CDH4: variants seen among roughly 807,000 people sequenced by gnomAD.
CDH4 encodes cadherin-4.
In CDH4, 33 loss-of-function variants were observed where a neutral mutation model predicts 86.0. The ratio of observed to expected loss-of-function variants is 0.38; its 90% CI spans 0.29 to 0.51. The LOEUF (loss-of-function observed/expected upper bound fraction) is 0.51, where lower values mean the gene tolerates loss of function less well. Ranked by LOEUF, CDH4 falls within the 20% of genes least tolerant of loss-of-function variation. The pLI is 0.86. For missense variants in CDH4, 1,114 were observed against 1,307.4 expected (o/e 0.85, Z 2.28); for synonymous variants, 555 against 549.4 (o/e 1.01, Z -0.14).
chr20:61,905,593 C>T (rs914645175), intron 8 of CDH4, among the ~76,000 whole-genome samples: 24 of 152,320 alleles, frequency 1.6e-4, no homozygotes, highest in African/African-American at 5.5e-4. Flanking sequence ...AGAGCCTTGC[C>T]CCTGCTGCCT....
At chr20:61,917,563 G>A (rs182820583) in intron 9 of CDH4, among the ~76,000 whole-genome samples, 5 of 152,226 alleles carry the variant, frequency 3.3e-5, no homozygotes, top group East Asian at 1.9e-4. Context: ...AGACAGGGGC[G>A]CAGAGTGAGA....
At chr20:61,629,268 C>A (rs763889891) in intron 2 of CDH4, among the ~76,000 whole-genome samples, 3 of 152,204 alleles carry the variant, frequency 2.0e-5, no homozygotes, top group Non-Finnish European at 2.9e-5. Flanking sequence ...GCCCAGCCCC[C>A]CAGCCGGAGC....
intron 2 of CDH4, among the ~76,000 whole-genome samples, chr20:61,478,743 G>A (rs939282159): frequency 6.6e-6 from 1 of 152,208 alleles, no homozygotes; most frequent in East Asian, 1.9e-4. Flanking sequence ...TAGAAACTAT[G>A]TTTCATTCAC....
chr20:61,919,377 G>A (rs1388647731), intron 9 of CDH4, among the ~76,000 whole-genome samples: 2 of 152,202 alleles, frequency 1.3e-5, no homozygotes, highest in African/African-American at 2.4e-5. Context: ...CCCAAGCATG[G>A]GGAGTGGGGT....
At chr20:61,782,199 C>G (rs1978583328) in intron 4 of CDH4, among the ~76,000 whole-genome samples, 1 of 152,142 alleles carries the variant, frequency 6.6e-6, no homozygotes. Context: ...ATCCCAGCTA[C>G]TCAGGAGGCT....
chr20:61,415,324 GA>G (rs199968076), intron 2 of CDH4, among the ~76,000 whole-genome samples: 1 of 151,858 alleles, frequency 6.6e-6, no homozygotes, highest in South Asian at 2.1e-4. Flanking sequence ...TGGCCATGTT[GA>G]AAAAAAAGTG....
intron 8 of CDH4, among the ~76,000 whole-genome samples, chr20:61,896,303 C>T (rs1355543197): frequency 3.9e-5 from 6 of 152,192 alleles, no homozygotes; most frequent in South Asian, 2.1e-4. Flanking sequence ...ACGCTCCTCC[C>T]GGTGGGTGGG....
chr20:61,600,480 C>T (rs530823114), intron 2 of CDH4, among the ~76,000 whole-genome samples: 3 of 152,302 alleles, frequency 2.0e-5, no homozygotes, highest in South Asian at 4.1e-4. Context: ...ATCTCTGCAA[C>T]GGGAGCCATA....
intron 4 of CDH4, among the ~76,000 whole-genome samples, chr20:61,795,260 G>GT (rs60909127): frequency 0.75 from 112,582 of 149,338 alleles, 42,821 homozygotes; most frequent in African/African-American, 0.87. Flanking sequence ...AAAATCCTAA[G>GT]TTTAGTCCTC....
At chr20:61,546,641 G>T (rs1235025934) in intron 2 of CDH4, among the ~76,000 whole-genome samples, 1 of 151,860 alleles carries the variant, frequency 6.6e-6, no homozygotes, top group African/African-American at 2.4e-5. Flanking sequence ...TGAAATGAGA[G>T]AACAGGGCTT....
chr20:61,759,134 C>A (rs2088602359), intron 3 of CDH4, among the ~76,000 whole-genome samples: 1 of 152,124 alleles, frequency 6.6e-6, no homozygotes, highest in African/African-American at 2.4e-5. Context: ...CTGTTCAGAG[C>A]CCCCCAAGCA....
At chr20:61,748,742 CAAATT>C (rs1055291130) in intron 3 of CDH4, among the ~76,000 whole-genome samples, 5 of 151,952 alleles carry the variant, frequency 3.3e-5, no homozygotes, top group South Asian at 2.1e-4. Context: ...ATGGAAATAA[CAAATT>C]AATATTACTC....
chr20:61,557,237 CTG>C (rs1460729397), intron 2 of CDH4, among the ~76,000 whole-genome samples: 3 of 152,212 alleles, frequency 2.0e-5, no homozygotes, highest in Non-Finnish European at 4.4e-5. Context: ...ACCATGCAGC[CTG>C]TGTCCCAATG....
chr20:61,262,786 C>T (rs904944794), intron 2 of CDH4, among the ~76,000 whole-genome samples: 22 of 150,324 alleles, frequency 1.5e-4, no homozygotes, highest in African/African-American at 4.7e-4. Flanking sequence ...TCCCTCTCTC[C>T]TCCCTCCCTC....
intron 2 of CDH4, among the ~76,000 whole-genome samples, chr20:61,365,561 TC>T (rs2084807280): frequency 6.6e-6 from 1 of 152,038 alleles, no homozygotes; most frequent in African/African-American, 2.4e-5. Flanking sequence ...TGGAGCTGAC[TC>T]CTGAGGGTGG....
At chr20:61,872,186 T>C (rs1175670903) in intron 6 of CDH4, among the ~76,000 whole-genome samples, 1 of 152,190 alleles carries the variant, frequency 6.6e-6, no homozygotes, top group Non-Finnish European at 1.5e-5. Flanking sequence ...ACAGGGCATC[T>C]GTGTGCCAGG....
intron 2 of CDH4, among the ~76,000 whole-genome samples, chr20:61,693,876 CTT>C (rs1383978783): frequency 7.1e-6 from 1 of 140,950 alleles, no homozygotes; most frequent in Non-Finnish European, 1.5e-5. Flanking sequence ...CTCAGACACT[CTT>C]TCTTTCTTTT....
intron 2 of CDH4, among the ~76,000 whole-genome samples, chr20:61,521,648 G>A (rs1211924358): frequency 2.6e-5 from 4 of 152,182 alleles, no homozygotes; most frequent in African/African-American, 9.7e-5. Flanking sequence ...AGGATCTCTG[G>A]TTCATGAGCC....
chr20:61,801,780 TCTC>T (rs1979843812), intron 4 of CDH4, among the ~76,000 whole-genome samples: 1 of 152,074 alleles, frequency 6.6e-6, no homozygotes, highest in Non-Finnish European at 1.5e-5. Flanking sequence ...CACATCACCT[TCTC>T]CTCTGTAGTC....
Sources: allele counts gnomAD v4.1 joint callset (sites outside exome capture counted in the v4.1 genomes callset), GRCh38; gene constraint gnomAD v4.1.1; transcripts MANE v1.5; gene names NCBI Gene and HGNC (gene_info 2026-07-23, HGNC 2026-07-21).